The following ST18 variants were observed in gnomAD, a reference collection of about 807,000 sequenced individuals.
The protein encoded by ST18 is suppression of tumorigenicity 18 protein.
ST18 carries 50 observed loss-of-function variants against 110.0 expected under a neutral mutation model. The ratio of observed to expected loss-of-function variants is 0.45; its 90% CI spans 0.36 to 0.58. ST18 has a LOEUF of 0.58. Among genes scored for constraint, ST18 ranks in the 20% least tolerant of loss-of-function variants. The probability of loss-of-function intolerance (pLI) is 0.00; values close to 1 mark genes in which losing one functional copy is unlikely to be tolerated. For missense variants in ST18, 1,306 were observed against 1,280.1 expected (o/e 1.02, Z -0.31); for synonymous variants, 461 against 452.4 (o/e 1.02, Z -0.24).
At chr8:52,232,804 T>C (rs537035582) in intron 2 of ST18, among the ~76,000 whole-genome samples, 10 of 151,920 alleles carry the variant, frequency 6.6e-5, no homozygotes, top group African/African-American at 2.4e-4. Flanking sequence ...TATCTTTCAG[T>C]AAAGAGATGG....
Position 52,409,542 on chromosome 8 carries a change from T to A in ST18, c.-590+6A>T, listed in dbSNP as rs1008717273. 5 of 147,558 alleles carry A rather than the reference T, an allele frequency of 3.4e-5. No individual in the cohort carries two copies. The highest frequency in any genetic ancestry group is 7.5e-5 in the Non-Finnish European group (5 of 66,320). 9.1% of individuals were successfully genotyped at this position (147,558 alleles called of 1,614,324 possible). Reference sequence around the variant, plus strand: ...CTACACAAATGCCAAGCCAATGTGATAGCACCTTCCACAACTCTGCCAGGC... The same window carrying A: ...CTACACAAATGCCAAGCCAATGTGAAAGCACCTTCCACAACTCTGCCAGGC... On this transcript the variant is annotated splice_donor_region_variant and intron_variant, in intron 1 of 25. Coordinates refer to ENST00000689386, the MANE Select transcript of ST18 (RefSeq NM_001352837.2).
At position 52,260,570 on chromosome 8, in the gene ST18, C is replaced by T. The variant is rs111604345; in HGVS notation, c.-464-30493G>A. On this transcript the variant is annotated intron_variant, in intron 2 of 25. Coordinates refer to ENST00000689386, the MANE Select transcript of ST18 (RefSeq NM_001352837.2). ...CCTGAAGTGTTCAACTACTTCATTC[C>T]TCAGCCCTCTTACTCCCTCTGGATC... 5.5e-3 allele frequency among the ~76,000 whole-genome samples: 843 copies of T among 152,136 alleles called. 9 individuals are homozygous for T. The highest frequency in any genetic ancestry group is 0.019 in the African/African-American group (778 of 41,424).
At chr8:52,366,164 G>C (rs1827855206) in intron 2 of ST18, among the ~76,000 whole-genome samples, 1 of 152,078 alleles carries the variant, frequency 6.6e-6, no homozygotes, top group African/African-American at 2.4e-5. Context: ...CAGGACCTCA[G>C]TCACAATCAG....
chr8:52,331,020 C>T (rs914389613), intron 2 of ST18, among the ~76,000 whole-genome samples: 5 of 152,184 alleles, frequency 3.3e-5, no homozygotes, highest in African/African-American at 1.2e-4. Flanking sequence ...GAACTGGGTC[C>T]CCTGTGTGAT....
At chr8:52,351,496 C>T (rs1348741283) in intron 2 of ST18, among the ~76,000 whole-genome samples, 1 of 152,196 alleles carries the variant, frequency 6.6e-6, no homozygotes, top group Admixed American at 6.5e-5. Context: ...GAGCCCAATG[C>T]TTATTAAATC....
chr8:52,236,814 A>G (rs189969708), intron 2 of ST18, among the ~76,000 whole-genome samples: 67 of 152,306 alleles, frequency 4.4e-4, no homozygotes, highest in African/African-American at 1.6e-3. Flanking sequence ...AAGAGCTAAG[A>G]TAATGGGAAC....
At chr8:52,365,051 T>C (rs965902181) in intron 2 of ST18, among the ~76,000 whole-genome samples, 3 of 151,634 alleles carry the variant, frequency 2.0e-5, no homozygotes, top group Admixed American at 6.6e-5. Context: ...GAGGCAGAGG[T>C]TGCAGTGAGC....
chr8:52,168,882 A>T (rs1401352573), intron 10 of ST18, among the ~76,000 whole-genome samples: 1 of 152,154 alleles, frequency 6.6e-6, no homozygotes, highest in South Asian at 2.1e-4. Context: ...AACTGAGGGG[A>T]GCTGACACCA....
chr8:52,365,629 A>G (rs184386660), intron 2 of ST18, among the ~76,000 whole-genome samples: 27 of 152,234 alleles, frequency 1.8e-4, no homozygotes, highest in African/African-American at 5.8e-4. Flanking sequence ...ATACTATAAC[A>G]CATCAATAAA....
intron 2 of ST18, among the ~76,000 whole-genome samples, chr8:52,300,232 A>G (rs2095697257): frequency 6.6e-6 from 1 of 152,190 alleles, no homozygotes; most frequent in Non-Finnish European, 1.5e-5. Context: ...CTCTGTTTGT[A>G]ACATCTTACT....
rs559514108 is a variant in ST18 at position 52,152,300 on chromosome 8, T to C, written c.1807-2323A>G. Among the ~76,000 whole-genome samples, 13 of 152,304 alleles carry C rather than the reference T, an allele frequency of 8.5e-5. No homozygotes were observed. In the South Asian group the frequency reaches 1.5e-3, roughly 17 times the overall value. On this transcript the variant is annotated intron_variant, in intron 15 of 25. Coordinates refer to ENST00000689386, the MANE Select transcript of ST18 (RefSeq NM_001352837.2). ...GGGCTTTTATTCAGAGCAGTATCAA[T>C]GGGCATCACTTCTCTCTGTGCTTGA...
intron 2 of ST18, among the ~76,000 whole-genome samples, chr8:52,311,517 G>A (rs987219775): frequency 2.6e-5 from 4 of 152,192 alleles, no homozygotes; most frequent in Admixed American, 6.5e-5. Flanking sequence ...GTATTAGTCC[G>A]TTTTCATACT....
Position 52,133,121 on chromosome 8 carries a change from G to T in ST18, c.2380C>A (p.Arg794Ser), listed in dbSNP as rs771688840. The T allele has an allele frequency of 1.2e-6, 2 of 1,614,090 alleles. No homozygotes were observed. Among genetic ancestry groups the T allele is most frequent in the Non-Finnish European group, 1.7e-6 (2 of 1,180,024 alleles). ...ATTTTGACACCACCTTTCCTTGCAC[G>T]AGGGCATCCGGACAAGCTGAAATAG... ...ASHRSLSGCP[R>S]ARKGGVKMTP... Residue 794 changes from arginine (R) to serine (S), a missense_variant, in exon 21 of 26, where the codon CGT becomes AGT. Arg to Ser is a moderately radical substitution (Grantham distance 110). Transcript: ENST00000689386.
chr8:52,258,616 G>A (rs921376850), intron 2 of ST18, among the ~76,000 whole-genome samples: 4 of 152,076 alleles, frequency 2.6e-5, no homozygotes, highest in African/African-American at 9.7e-5. Context: ...AGCATTTTTA[G>A]TGGGTTCCTT....
chr8:52,253,126 AT>A (rs1434237167), intron 2 of ST18, among the ~76,000 whole-genome samples: 1 of 150,860 alleles, frequency 6.6e-6, no homozygotes, highest in Non-Finnish European at 1.5e-5. Context: ...CTACTTTCTT[AT>A]TTGGAAAATT....
Position 52,393,258 on chromosome 8 carries a change from T to A in ST18, c.-465+16070A>T, listed in dbSNP as rs576535190. The stretch of plus-strand genomic sequence containing the variant: ...GGAAAGTGTTATGAATGATGTTTCC[T>A]TCTCTGTCATTTTTGGAAAACATAG... On this transcript the variant is annotated intron_variant, in intron 2 of 25. Coordinates refer to ENST00000689386, the MANE Select transcript of ST18 (RefSeq NM_001352837.2). Among the ~76,000 whole-genome samples, 41 of 152,320 alleles carry A rather than the reference T, an allele frequency of 2.7e-4. No homozygotes were observed. The South Asian group carries it at 7.9e-3, about 29-fold the overall frequency.
At position 52,347,254 on chromosome 8, in the gene ST18, A is replaced by G. The variant is rs142140374; in HGVS notation, c.-465+62074T>C. ...GGTTATGATGACATAAAATATAAAT[A>G]GCTTTACTGTAAAAGCAGGAAAAGC... On this transcript the variant is annotated intron_variant, in intron 2 of 25. Coordinates refer to ENST00000689386, the MANE Select transcript of ST18 (RefSeq NM_001352837.2). 5.9e-5 allele frequency among the ~76,000 whole-genome samples: 9 copies of G among 152,380 alleles called. No homozygotes were observed. In the East Asian group the frequency reaches 1.7e-3, roughly 29 times the overall value.
intron 2 of ST18, among the ~76,000 whole-genome samples, chr8:52,308,747 C>A (rs1356912463): frequency 2.0e-5 from 3 of 152,178 alleles, no homozygotes; most frequent in East Asian, 1.9e-4. Context: ...ATGGGCAACC[C>A]CCCATCCCAC....
chr8:52,328,966 G>A (rs375473491), intron 2 of ST18, among the ~76,000 whole-genome samples: 18 of 152,086 alleles, frequency 1.2e-4, no homozygotes, highest in African/African-American at 2.9e-4. Context: ...TTCATAAAAC[G>A]CAACTTTCCC....
Sources: gnomAD v4.1 joint callset for allele counts (sites outside exome capture counted in the v4.1 genomes callset) on GRCh38, gnomAD v4.1.1 for gene constraint, MANE v1.5 for transcripts, NCBI Gene and HGNC (gene_info 2026-07-23, HGNC 2026-07-21) for gene names.